The following TWF1 variants were observed in gnomAD, a reference collection of about 807,000 sequenced individuals.
TWF1 encodes twinfilin actin binding protein 1.
In TWF1, 14 loss-of-function variants were observed where a neutral mutation model predicts 47.9. The observed-to-expected ratio is 0.29, with a 90% CI of 0.19 to 0.46. TWF1 has a LOEUF of 0.46. TWF1 is among the 20% of genes least tolerant of loss of function. The probability of loss-of-function intolerance (pLI) is 1.00; values close to 1 mark genes in which losing one functional copy is unlikely to be tolerated. For missense variants in TWF1, 281 were observed against 409.3 expected (o/e 0.69, Z 2.70); for synonymous variants, 96 against 139.2 (o/e 0.69, Z 2.18).
intron 8 of TWF1, 145 bp downstream of exon 8, chr12:43,796,831 A>G: frequency 1.2e-6 from 1 of 803,468 alleles, no homozygotes; most frequent in South Asian, 1.8e-5. Context: ...GGTAGTTCCC[A>G]GGCACTTAGA....
rs1351561089 is a variant in TWF1, at chr12:43,799,520, A to G, written c.379-18T>C. 1.4e-6 allele frequency: 2 copies of G among 1,418,580 alleles called. No individual in the cohort carries two copies. Among genetic ancestry groups the G allele is most frequent in the Non-Finnish European group, 2.0e-6 (2 of 1,025,088 alleles). 87.9% of individuals were successfully genotyped at this position (1,418,580 alleles called of 1,614,324 possible). A position where few individuals can be genotyped will look rare whatever the true frequency, so the allele number is the denominator to read the frequency against. ...ACATCTTCCTGTAAGTACAGAATAG[A>G]CTATAATCAGTAATTCTCTAGAAGT... On this transcript the variant is annotated intron_variant, in intron 4 of 8. Transcript: ENST00000395510.
intron 2 of TWF1, among the ~76,000 whole-genome samples, chr12:43,803,086 A>G (rs1942691461): frequency 6.6e-6 from 1 of 152,212 alleles, no homozygotes; most frequent in Non-Finnish European, 1.5e-5. Context: ...GTGAAGTTAT[A>G]GCCTCAATGT....
chr12:43,806,161 C>T (rs919839735), intron 1 of TWF1, 60 bp downstream of exon 1: 1 of 1,534,710 alleles, frequency 6.5e-7, no homozygotes, highest in East Asian at 2.5e-5. Context: ...CTGCAGCCCT[C>T]CCGGCTCTCC....
At position 43,797,415 on chromosome 12, in the gene TWF1, T is replaced by G; in HGVS notation, c.647A>C (p.Asn216Thr). The G allele has an allele frequency of 1.3e-6, 2 of 1,598,026 alleles. No individual in the cohort carries two copies. Among genetic ancestry groups the G allele is most frequent in the South Asian group, 1.1e-5 (1 of 87,660 alleles). Residue 216 changes from asparagine to threonine, a missense_variant, in exon 7 of 9, where the codon AAC becomes ACC. By Grantham distance (65) the Asn-to-Thr change is moderately conservative. Coordinates refer to ENST00000395510, the MANE Select transcript of TWF1 (RefSeq NM_002822.5). The part of the protein sequence containing the change: ...DIKNEIIILA[N>T]TTNTELKDLP... ...ATCTTTCAGTTCTGTATTTGTTGTGTTGGCCAAAATTATAATTTCATTTTT... is the reference window on the plus strand; with the variant it reads ...ATCTTTCAGTTCTGTATTTGTTGTGGTGGCCAAAATTATAATTTCATTTTT...
chr12:43,795,537 A>C lies in TWF1; in HGVS notation c.*48T>G. 1 of 1,570,924 alleles carries C rather than the reference A, an allele frequency of 6.4e-7. No homozygotes were observed. Among genetic ancestry groups the C allele is most frequent in the Non-Finnish European group, 8.7e-7 (1 of 1,153,068 alleles). On this transcript the variant is annotated 3_prime_UTR_variant, in exon 9 of 9. Transcript: ENST00000395510. ...AATGATTTCAGTTCTCCTGTACTAAAAGCTGGACTTTTAAAAAACTAGTAT... is the reference window on the plus strand; with the variant it reads ...AATGATTTCAGTTCTCCTGTACTAACAGCTGGACTTTTAAAAAACTAGTAT...
chr12:43,800,514 A>G lies in TWF1; in HGVS notation c.299T>C (p.Leu100Ser), dbSNP rs537381340. 3.1e-6 allele frequency: 5 copies of G among 1,613,634 alleles called. No individual in the cohort carries two copies. Among genetic ancestry groups the G allele is most frequent in the Non-Finnish European group, 4.2e-6 (5 of 1,179,834 alleles). ...CAGAGTTGCTCTTGTTGCTGCATACAACATTTTTTGACGAACCTATTCAGT... is the reference window on the plus strand; with the variant it reads ...CAGAGTTGCTCTTGTTGCTGCATACGACATTTTTTGACGAACCTATTCAGT... ...PDHSHVRQKM[L>S]YAATRATLKK... is the part of the protein sequence containing the mutation. Residue 100 changes from leucine to serine, a missense_variant, in exon 4 of 9, where the codon TTG becomes TCG. By Grantham distance (145) the Leu-to-Ser change is moderately radical. Transcript: ENST00000395510.
rs751907907 is a variant in TWF1, at chr12:43,799,462, G to A, written c.419C>T (p.Ser140Leu). ...SLHGYKKYLL[S>L]QSSPAPLTAA... ...AGTCAGTGGGGCAGGGGAAGATTGT[G>A]ACAGCAAGTATTTTTTATATCCATG... Residue 140 changes from serine to leucine, a missense_variant, in exon 5 of 9, where the codon TCA becomes TTA. Coordinates refer to ENST00000395510, the MANE Select transcript of TWF1 (RefSeq NM_002822.5). 36 of 1,609,854 alleles carry A rather than the reference G, an allele frequency of 2.2e-5. No individual in the cohort carries two copies. In the Middle Eastern group the frequency reaches 5.5e-4, roughly 25 times the overall value.
chr12:43,804,277 CA>C, intron 2 of TWF1: 1 of 536,716 alleles, frequency 1.9e-6, no homozygotes. Context: ...GAAGTCACAT[CA>C]AAAAACATCT....
chr12:43,797,618 TA>T lies in TWF1; in HGVS notation c.609+89del. 5 of 1,483,998 alleles carry T rather than the reference TA, an allele frequency of 3.4e-6. No homozygotes were observed. The Admixed American group carries it at 1.1e-4, about 34-fold the overall frequency. 91.9% of individuals were successfully genotyped at this position (1,483,998 alleles called of 1,614,324 possible). ...GAATTTTAGAAATCAGAAAGCTATT[TA>T]AAATGTAAAATCCATTAATAATAAA... On this transcript the variant is annotated intron_variant, in intron 6 of 8. Transcript: ENST00000395510.
rs1802561 is a variant in TWF1, at chr12:43,795,326, G to C, written c.*259C>G. 0.021 allele frequency: 7,773 copies of C among 369,350 alleles called. 157 individuals are homozygous for C. Among genetic ancestry groups the C allele is most frequent in the South Asian group, 0.062 (1,339 of 21,432 alleles). The allele number at this position is 369,350 out of a possible 1,614,324, so 22.9% of individuals were successfully genotyped here. ...CTGTATAAAATTTTAAGAAGTATTT[G>C]AAGTGTGGAATCAACGCTATGAAAA... On this transcript the variant is annotated 3_prime_UTR_variant, in exon 9 of 9. Coordinates refer to ENST00000395510, the MANE Select transcript of TWF1 (RefSeq NM_002822.5).
chr12:43,803,500 T>A (rs1942700503), intron 2 of TWF1, among the ~76,000 whole-genome samples: 1 of 152,116 alleles, frequency 6.6e-6, no homozygotes, highest in South Asian at 2.1e-4. Flanking sequence ...TTTGGAATTT[T>A]CCTTATTTAA....
At chr12:43,800,125 C>T (rs1218528601) in intron 4 of TWF1, among the ~76,000 whole-genome samples, 1 of 151,802 alleles carries the variant, frequency 6.6e-6, no homozygotes, top group Non-Finnish European at 1.5e-5. Context: ...TCTAAACAAA[C>T]AAAAAAGTTC....
intron 4 of TWF1, 80 bp downstream of exon 4, chr12:43,800,355 G>A (rs1002201279): frequency 1.2e-5 from 11 of 919,752 alleles, no homozygotes; most frequent in Middle Eastern, 3.5e-4. Context: ...ATCTGAATTC[G>A]TATCAATTAC....
At chr12:43,805,619 A>G in intron 1 of TWF1, 1 of 483,506 alleles carries the variant, frequency 2.1e-6, no homozygotes, top group Non-Finnish European at 4.0e-6. Flanking sequence ...CATACAGATC[A>G]GTTTCCCTTG....
At chr12:43,805,904 G>T in intron 1 of TWF1, 4 of 1,485,172 alleles carry the variant, frequency 2.7e-6, no homozygotes, top group Non-Finnish European at 2.7e-6. Context: ...CCAAAAGGGG[G>T]AAAGTTGGGC....
At chr12:43,801,825 T>C (rs1942666712) in intron 3 of TWF1, among the ~76,000 whole-genome samples, 2 of 151,974 alleles carry the variant, frequency 1.3e-5, no homozygotes, top group Admixed American at 1.3e-4. Flanking sequence ...AGGCCACGAG[T>C]TTGAGACCAG....
chr12:43,803,763 A>G (rs1477165632), intron 2 of TWF1, among the ~76,000 whole-genome samples: 2 of 152,140 alleles, frequency 1.3e-5, no homozygotes, highest in Admixed American at 6.5e-5. Flanking sequence ...TATTTTTTAT[A>G]TAAGCAGAAA....
At chr12:43,803,727 A>C (rs1159601988) in intron 2 of TWF1, among the ~76,000 whole-genome samples, 4 of 152,122 alleles carry the variant, frequency 2.6e-5, no homozygotes, top group Non-Finnish European at 2.9e-5. Flanking sequence ...TATGTAAACA[A>C]ATGCATATTT....
chr12:43,797,857 C>G (rs768597831), intron 5 of TWF1, 24 bp from the exon 6 acceptor site: 9 of 1,606,024 alleles, frequency 5.6e-6, no homozygotes, highest in African/African-American at 1.3e-5. Flanking sequence ...ATTTAATTTA[C>G]AAGTTTAGCA....
Sources: gnomAD v4.1 joint callset for allele counts (sites outside exome capture counted in the v4.1 genomes callset) on GRCh38, gnomAD v4.1.1 for gene constraint, MANE v1.5 for transcripts, NCBI Gene and HGNC (gene_info 2026-07-23, HGNC 2026-07-21) for gene names.